The following MOB4 variants were observed in gnomAD, a reference collection of about 807,000 sequenced individuals.
The protein encoded by MOB4 is MOB-like protein phocein.
A neutral mutation model predicts 32.2 loss-of-function variants in MOB4; 4 were observed. The observed-to-expected ratio is 0.12, with a 90% CI of 0.06 to 0.28. The LOEUF (loss-of-function observed/expected upper bound fraction) is 0.28. MOB4 is among the 10% of genes least tolerant of loss of function. The probability of loss-of-function intolerance (pLI) is 1.00; values close to 1 mark genes in which losing one functional copy is unlikely to be tolerated. For missense variants in MOB4, 158 were observed against 271.2 expected (o/e 0.58, Z 2.93); for synonymous variants, 88 against 88.1 (o/e 1.00, Z 0.01).
Position 197,553,427 on chromosome 2 carries a change from A to C in MOB4, c.*2781A>C, listed in dbSNP as rs1035991770. On this transcript the variant is annotated 3_prime_UTR_variant, in exon 8 of 8. Transcript: ENST00000323303. ...AACTCCGTCTCAAAAACTCCGTCTC[A>C]AAAAAAAAAAATCCTTGATTACATT... 1 of 147,106 alleles carries C rather than the reference A, an allele frequency of 6.8e-6. No individual in the cohort carries two copies. The highest frequency in any genetic ancestry group is 2.5e-5 in the African/African-American group (1 of 40,330). The allele number at this position is 147,106 out of a possible 1,614,324, so 9.1% of individuals were successfully genotyped here. A position where few individuals can be genotyped will look rare whatever the true frequency, so the allele number is the denominator to read the frequency against.
rs2086870919 is a variant in MOB4, at chr2:197,540,068, G to C, written c.225-43G>C. ...CAGCTAATATTCTAAAAATTGCTGT[G>C]AAGAATAGATATGACTTTTTATTTA... is the stretch of plus-strand genomic sequence containing the variant. On this transcript the variant is annotated intron_variant, in intron 3 of 7. Coordinates refer to ENST00000323303, the MANE Select transcript of MOB4 (RefSeq NM_015387.5). The C allele has an allele frequency of 5.1e-6, 8 of 1,559,378 alleles. No individual in the cohort carries two copies. In the East Asian group the frequency reaches 1.8e-4, roughly 36 times the overall value.
chr2:197,535,985 A>G (rs1412539040), intron 3 of MOB4, among the ~76,000 whole-genome samples: 1 of 144,362 alleles, frequency 6.9e-6, no homozygotes, highest in Admixed American at 7.3e-5. Flanking sequence ...CTGTGCCTCT[A>G]CCTCTTAGGC....
chr2:197,516,844 T>G, intron 1 of MOB4: 2 of 411,476 alleles, frequency 4.9e-6, no homozygotes, highest in South Asian at 3.5e-5. Context: ...TTATGTGTGG[T>G]AAATTGGTGC....
At chr2:197,540,320 A>T in intron 4 of MOB4, 31 bp from the exon 5 acceptor site, 2 of 1,496,946 alleles carry the variant, frequency 1.3e-6, no homozygotes, top group Non-Finnish European at 1.8e-6. Context: ...TTATTATTTT[A>T]CATATTAAGA....
In MOB4 at chr2:197,533,958, G is replaced by A. The variant is rs1447209556; in HGVS notation, c.124-1572G>A. 1.1e-5 allele frequency: 6 copies of A among 565,366 alleles called. No homozygotes were observed. In the East Asian group the frequency reaches 2.7e-4, roughly 25 times the overall value. 35.0% of individuals were successfully genotyped at this position (565,366 alleles called of 1,614,324 possible). On this transcript the variant is annotated intron_variant, in intron 2 of 7. Coordinates refer to ENST00000323303, the MANE Select transcript of MOB4 (RefSeq NM_015387.5). ...GGAGACATTGGAAAAGAACCAAGCT[G>A]GGTCTAGAAGGAATTTTACATGAGA...
upstream of MOB4, chr2:197,515,924 C>T (rs950335940): frequency 6.0e-6 from 4 of 666,960 alleles, no homozygotes; most frequent in Non-Finnish European, 7.4e-6. Context: ...CCTCTCCCTC[C>T]GCCTAGCCCG....
At chr2:197,549,874 A>G (rs559125484) in intron 6 of MOB4, among the ~76,000 whole-genome samples, 67 of 151,798 alleles carry the variant, frequency 4.4e-4, no homozygotes, top group African/African-American at 1.5e-3. Context: ...AAAAAAAAAA[A>G]AAAAAGAAAA....
chr2:197,525,974 C>T (rs1559315832), intron 2 of MOB4, among the ~76,000 whole-genome samples: 2 of 152,152 alleles, frequency 1.3e-5, no homozygotes, highest in Non-Finnish European at 2.9e-5. Flanking sequence ...GGGTTTTCTA[C>T]ATACGAGACC....
intron 2 of MOB4, among the ~76,000 whole-genome samples, chr2:197,529,010 G>A (rs2086656164): frequency 6.6e-6 from 1 of 151,078 alleles, no homozygotes; most frequent in South Asian, 2.1e-4. Flanking sequence ...CACTCAGACT[G>A]GAGTGCAGTG....
intron 1 of MOB4, chr2:197,516,746 A>T (rs1259980889): frequency 2.1e-6 from 1 of 471,410 alleles, no homozygotes; most frequent in East Asian, 6.9e-5. Flanking sequence ...CTAAGTTGTG[A>T]CTTGTTAGAT....
chr2:197,530,377 C>T (rs1056811422), intron 2 of MOB4, among the ~76,000 whole-genome samples: 6 of 151,690 alleles, frequency 4.0e-5, no homozygotes, highest in Non-Finnish European at 7.4e-5. Flanking sequence ...AAGAGATTTT[C>T]TCACCTCACC....
chr2:197,531,234 C>T (rs13391421), intron 2 of MOB4, among the ~76,000 whole-genome samples: 1,588 of 151,686 alleles, frequency 0.01, 21 homozygotes, highest in African/African-American at 0.036. Flanking sequence ...TTAGTAGAGA[C>T]GGGGTTTCAC....
intron 5 of MOB4, among the ~76,000 whole-genome samples, chr2:197,546,263 G>A (rs764358466): frequency 3.9e-5 from 6 of 151,930 alleles, no homozygotes; most frequent in African/African-American, 7.3e-5. Context: ...GGGTTTCATC[G>A]TGTTAGCCAG....
intron 2 of MOB4, chr2:197,533,746 A>G (rs2086749183): frequency 3.0e-6 from 1 of 334,666 alleles, no homozygotes. Context: ...AAAAAAAAAA[A>G]GTATTTGATC....
At position 197,544,361 on chromosome 2, in the gene MOB4, C is replaced by A. The variant is rs548553422; in HGVS notation, c.354+3924C>A. On this transcript the variant is annotated intron_variant, in intron 5 of 7. Transcript: ENST00000323303. ...TGCTGGGATTATAGGCATGAGCCAC[C>A]ATGCCTGGCCATAATAGTTTCTGTT... Among the ~76,000 whole-genome samples the A allele has an allele frequency of 2.0e-5, 3 of 152,324 alleles. No individual in the cohort carries two copies. In the South Asian group the frequency reaches 6.2e-4, roughly 32 times the overall value.
At chr2:197,538,203 A>G (rs924471885) in intron 3 of MOB4, among the ~76,000 whole-genome samples, 7 of 151,840 alleles carry the variant, frequency 4.6e-5, no homozygotes, top group Admixed American at 3.3e-4. Flanking sequence ...GAAACATTAT[A>G]TAAAACATTA....
At chr2:197,517,227 TCTC>T (rs2086430859) in intron 1 of MOB4, among the ~76,000 whole-genome samples, 1 of 152,122 alleles carries the variant, frequency 6.6e-6, no homozygotes, top group South Asian at 2.1e-4. Context: ...GGATACATAG[TCTC>T]CTGATTCTTA....
intron 1 of MOB4, among the ~76,000 whole-genome samples, chr2:197,519,363 T>C (rs1262937784): frequency 6.6e-6 from 1 of 152,248 alleles, no homozygotes; most frequent in East Asian, 1.9e-4. Context: ...TGGTGTCCTC[T>C]GGGGATTGGC....
chr2:197,520,322 A>G (rs2086492858), intron 1 of MOB4, among the ~76,000 whole-genome samples: 1 of 151,060 alleles, frequency 6.6e-6, no homozygotes, highest in Non-Finnish European at 1.5e-5. Flanking sequence ...GTATTTTTTC[A>G]TAGAGATGGG....
Sources: gnomAD v4.1 joint callset for allele counts (sites outside exome capture counted in the v4.1 genomes callset) on GRCh38, gnomAD v4.1.1 for gene constraint, MANE v1.5 for transcripts, NCBI Gene and HGNC (gene_info 2026-07-23, HGNC 2026-07-21) for gene names.